CATSPERE: variants seen among roughly 807,000 people sequenced by gnomAD.
CATSPERE encodes cation channel sperm-associated auxiliary subunit epsilon.
Under a neutral mutation model 114.1 loss-of-function variants are expected in CATSPERE, and 93 were observed. That is an observed-to-expected ratio of 0.81 (90% CI 0.69 to 0.97). The LOEUF (loss-of-function observed/expected upper bound fraction) is 0.97, where lower values mean the gene tolerates loss of function less well. CATSPERE is among the 50% of genes least tolerant of loss of function. The probability of loss-of-function intolerance (pLI) is 0.00; values close to 1 mark genes in which losing one functional copy is unlikely to be tolerated. For missense variants in CATSPERE, 1,058 were observed against 1,131.6 expected, an observed-to-expected ratio of 0.93 and a Z score of 0.93; for synonymous variants, 341 against 384.1, an observed-to-expected ratio of 0.89 and a Z score of 1.31.
chr1:244,584,054 T>C, intron 13 of CATSPERE, 115 bp downstream of exon 13: 2 of 709,530 alleles, frequency 2.8e-6, no homozygotes, highest in Admixed American at 2.4e-5. Flanking sequence ...CTCCATACAA[T>C]ACCTCCATAG....
intron 10 of CATSPERE, among the ~76,000 whole-genome samples, chr1:244,563,904 T>G (rs749904915): frequency 3.3e-5 from 5 of 152,178 alleles, no homozygotes; most frequent in Non-Finnish European, 5.9e-5. Flanking sequence ...TAAGTTTAAG[T>G]CTCTAATCCA....
chr1:244,632,393 CAAA>C (rs35948602), intron 20 of CATSPERE, among the ~76,000 whole-genome samples: 1 of 109,376 alleles, frequency 9.1e-6, no homozygotes, highest in Non-Finnish European at 1.7e-5. Flanking sequence ...GACTCCAACT[CAAA>C]AAAAAAAAAA....
At chr1:244,495,016 CA>C (rs1363718870) in intron 6 of CATSPERE, among the ~76,000 whole-genome samples, 1 of 152,126 alleles carries the variant, frequency 6.6e-6, no homozygotes, top group Non-Finnish European at 1.5e-5. Flanking sequence ...ATATATATTA[CA>C]GACTCAAATA....
chr1:244,544,879 CT>C (rs998031754), intron 8 of CATSPERE, among the ~76,000 whole-genome samples: 1 of 152,060 alleles, frequency 6.6e-6, no homozygotes, highest in Non-Finnish European at 1.5e-5. Flanking sequence ...CTGGCAAATG[CT>C]TTTTTTTCCA....
rs1342273854 is a variant in CATSPERE at position 244,541,218 on chromosome 1, C to T, written c.537-11104C>T. 4.0e-5 allele frequency among the ~76,000 whole-genome samples: 6 copies of T among 150,906 alleles called. No individual in the cohort carries two copies. In the East Asian group the frequency reaches 1.2e-3, roughly 29 times the overall value. The stretch of plus-strand genomic sequence containing the variant: ...AGAAACTACCATCAGAGTGAACAGG[C>T]AACCTACAAAATGGGAGAAAATTTT... On this transcript the variant is annotated intron_variant, in intron 8 of 21. Transcript: ENST00000366534.
At chr1:244,623,226 T>C (rs1672639940) in intron 20 of CATSPERE, among the ~76,000 whole-genome samples, 1 of 152,040 alleles carries the variant, frequency 6.6e-6, no homozygotes, top group African/African-American at 2.4e-5. Flanking sequence ...TACAGGCACC[T>C]GCCACCACAC....
chr1:244,560,427 T>C (rs7536722), intron 9 of CATSPERE, among the ~76,000 whole-genome samples: 28,211 of 141,334 alleles, frequency 0.2, 4,191 homozygotes, highest in East Asian at 0.42. Flanking sequence ...AGGATGGGAG[T>C]GGGGTGAGGG....
At chr1:244,491,193 A>C (rs1170056254) in intron 6 of CATSPERE, among the ~76,000 whole-genome samples, 1 of 152,132 alleles carries the variant, frequency 6.6e-6, no homozygotes, top group Non-Finnish European at 1.5e-5. Context: ...ACATACTTGG[A>C]AGTAAAGCTC....
At chr1:244,485,702 G>GT (rs201235266) in intron 5 of CATSPERE, among the ~76,000 whole-genome samples, 2,545 of 137,584 alleles carry the variant, frequency 0.018, 64 homozygotes, top group African/African-American at 0.056. Flanking sequence ...TGTTTTTTTT[G>GT]TTTTTTTTTT....
intron 20 of CATSPERE, among the ~76,000 whole-genome samples, chr1:244,627,569 T>C (rs1673369704): frequency 6.7e-6 from 1 of 150,334 alleles, no homozygotes; most frequent in African/African-American, 2.4e-5. Context: ...AGCAAGACCC[T>C]GTTAAAAAAA....
chr1:244,517,328 A>G (rs1049114106), intron 7 of CATSPERE, among the ~76,000 whole-genome samples: 2 of 151,968 alleles, frequency 1.3e-5, no homozygotes, highest in Non-Finnish European at 2.9e-5. Flanking sequence ...ACTCTTTGCT[A>G]CATTAAGAAT....
intron 8 of CATSPERE, among the ~76,000 whole-genome samples, chr1:244,543,597 AATAT>A (rs1659225929): frequency 6.7e-6 from 1 of 148,272 alleles, no homozygotes; most frequent in African/African-American, 2.5e-5. Flanking sequence ...CAATAACAGT[AATAT>A]ATATGTATTT....
rs1032773221 is a variant in CATSPERE at position 244,566,240 on chromosome 1, T to C, written c.1507+5095T>C. 1.7e-4 allele frequency among the ~76,000 whole-genome samples: 26 copies of C among 152,160 alleles called. 1 individual carries two copies. Among genetic ancestry groups the C allele is most frequent in the South Asian group, 2.1e-4 (1 of 4,822 alleles). On this transcript the variant is annotated intron_variant, in intron 10 of 21. Coordinates refer to ENST00000366534, the MANE Select transcript of CATSPERE (RefSeq NM_001130957.2). ...TTGCTAAGGAGTGTTTTACTTCTAA[T>C]TAATTATGTGGTCGATTTTAAAATA...
rs115922820 is a variant in CATSPERE, at chr1:244,600,493, A to G, written c.2304-5202A>G. 9.6e-3 allele frequency among the ~76,000 whole-genome samples: 1,459 copies of G among 152,284 alleles called. 21 individuals carry two copies. Among genetic ancestry groups the G allele is most frequent in the African/African-American group, 0.034 (1,392 of 41,544 alleles). ...ATAAGAATGGGAGATGTCCACCAAA[A>G]TGTTCACCTCAGGCCTCCTATGGAT... is the stretch of plus-strand genomic sequence containing the variant. On this transcript the variant is annotated intron_variant, in intron 17 of 21. Transcript: ENST00000366534.
At chr1:244,572,864 C>A in intron 11 of CATSPERE, 92 bp downstream of exon 11, 2 of 840,296 alleles carry the variant, frequency 2.4e-6, no homozygotes, top group Non-Finnish European at 3.4e-6. Context: ...CTTCTAGGCT[C>A]AGCTGGGAAA....
At chr1:244,526,033 C>G (rs746531549) in intron 8 of CATSPERE, among the ~76,000 whole-genome samples, 1 of 152,148 alleles carries the variant, frequency 6.6e-6, no homozygotes, top group Non-Finnish European at 1.5e-5. Flanking sequence ...TCTAACAGCA[C>G]AAGTCTGCAC....
In CATSPERE at chr1:244,610,303, C is replaced by G; in HGVS notation, c.2467C>G (p.Leu823Val). 1 of 1,612,810 alleles carries G rather than the reference C, an allele frequency of 6.2e-7. No individual in the cohort carries two copies. Among genetic ancestry groups the G allele is most frequent in the Non-Finnish European group, 8.5e-7 (1 of 1,179,002 alleles). ...SMIELNKHLP[L>V]EEVWGPENYK... ...GATTGAACTTAACAAGCACCTCCCA[C>G]TAGAAGAAGTCTGGGGACCTGAGGT... is the stretch of plus-strand genomic sequence containing the variant. Residue 823 changes from leucine to valine, a missense_variant, in exon 19 of 22, where the codon CTA becomes GTA. By Grantham distance (32) the Leu-to-Val change is conservative. This residue lies in a region of CATSPERE where 787 missense variants were observed against 905.6 expected (regional missense o/e 0.87). Transcript: ENST00000366534.
At chr1:244,617,500 T>C in intron 19 of CATSPERE, 29 bp from the exon 20 acceptor site, 1 of 1,466,802 alleles carries the variant, frequency 6.8e-7, no homozygotes, top group Non-Finnish European at 9.0e-7. Flanking sequence ...AAAATGACCT[T>C]AAAATTTTTG....
At chr1:244,566,106 C>T (rs1663429726) in intron 10 of CATSPERE, among the ~76,000 whole-genome samples, 1 of 152,174 alleles carries the variant, frequency 6.6e-6, no homozygotes, top group Non-Finnish European at 1.5e-5. Context: ...GCAGGTTATT[C>T]AGATTCCATG....
Sources: gnomAD v4.1 joint callset for allele counts (sites outside exome capture counted in the v4.1 genomes callset) on GRCh38, gnomAD v4.1.1 for gene constraint, gnomAD v4.1.1 regional missense constraint, MANE v1.5 for transcripts, NCBI Gene and HGNC (gene_info 2026-07-23, HGNC 2026-07-21) for gene names.